OSBP2: variants seen among roughly 807,000 people sequenced by gnomAD.
OSBP2 encodes the protein oxysterol-binding protein 2.
A neutral mutation model predicts 96.0 loss-of-function variants in OSBP2; 66 were observed. The ratio of observed to expected loss-of-function variants is 0.69; its 90% CI spans 0.56 to 0.84. OSBP2 has a LOEUF of 0.84. OSBP2 is among the 40% of genes least tolerant of loss of function. OSBP2 has a pLI of 0.00. For synonymous variants in OSBP2, 525 were observed against 520.9 expected, an observed-to-expected ratio of 1.01 and a Z score of -0.11; for missense variants, 1,038 against 1,222.7, an observed-to-expected ratio of 0.85 and a Z score of 2.25.
chr22:30,906,441 C>G lies in OSBP2; in HGVS notation c.*102C>G. On this transcript the variant is annotated 3_prime_UTR_variant, in exon 14 of 14. Coordinates refer to ENST00000332585, the MANE Select transcript of OSBP2 (RefSeq NM_030758.4). ...AATGGTCTTTCTCCCAGCCCATTCCCAGCCCTTCCTATTTCCTTTCCTATT... is the reference window on the plus strand; with the variant it reads ...AATGGTCTTTCTCCCAGCCCATTCCGAGCCCTTCCTATTTCCTTTCCTATT... 5 of 1,332,324 alleles carry G rather than the reference C, an allele frequency of 3.8e-6. No homozygotes were observed. In the South Asian group the frequency reaches 8.5e-5, roughly 23 times the overall value. 82.5% of individuals were successfully genotyped at this position (1,332,324 alleles called of 1,614,324 possible).
chr22:30,727,818 C>T (rs957745210), intron 1 of OSBP2, among the ~76,000 whole-genome samples: 3 of 152,012 alleles, frequency 2.0e-5, no homozygotes, highest in African/African-American at 7.2e-5. Context: ...AAAACATGAC[C>T]ACCCTGGGCC....
chr22:30,903,739 C>T (rs1333274738), intron 12 of OSBP2, among the ~76,000 whole-genome samples: 9 of 152,234 alleles, frequency 5.9e-5, no homozygotes, highest in Admixed American at 1.3e-4. Context: ...AGCGCTGACA[C>T]GGTGTTTCCC....
chr22:30,839,147 T>C (rs2147026679), intron 2 of OSBP2, among the ~76,000 whole-genome samples: 1 of 145,808 alleles, frequency 6.9e-6, no homozygotes, highest in East Asian at 2.0e-4. Context: ...TGATTTCCAA[T>C]TTCATCCATG....
At chr22:30,803,914 C>CT (rs1268914580) in intron 2 of OSBP2, among the ~76,000 whole-genome samples, 2 of 152,198 alleles carry the variant, frequency 1.3e-5, no homozygotes, top group East Asian at 3.9e-4. Context: ...GCCTGTGCCT[C>CT]TGAGTAAGCA....
rs1214703921 is a variant in OSBP2, at chr22:30,890,739, T to C, written c.1635T>C (p.Asn545=). The change falls in exon 8 of 14, where the codon AAT becomes AAC. Residue 545 remains asparagine (N), a synonymous_variant. Transcript: ENST00000332585. The surrounding 1 kb of genome is among the most constrained non-coding windows in gnomAD (Gnocchi z 4.4). ...CTGTCCACCCACAGGTGAACTTCAATGAGCCCCTGTCCATGCTCCAGCGGC... is the reference window on the plus strand; with the variant it reads ...CTGTCCACCCACAGGTGAACTTCAACGAGCCCCTGTCCATGCTCCAGCGGC... ...LSRIPMPVNF[N]EPLSMLQRLT... 6.2e-7 allele frequency: 1 copy of C among 1,612,582 alleles called. No individual in the cohort carries two copies. Among genetic ancestry groups the C allele is most frequent in the Non-Finnish European group, 8.5e-7 (1 of 1,179,964 alleles).
intron 2 of OSBP2, among the ~76,000 whole-genome samples, chr22:30,820,186 C>T (rs1411254807): frequency 6.6e-6 from 1 of 151,938 alleles, no homozygotes; most frequent in Non-Finnish European, 1.5e-5. Context: ...TCCAGCCCAG[C>T]CTAGGCAACA....
chr22:30,847,114 A>T (rs551470913), intron 2 of OSBP2, among the ~76,000 whole-genome samples: 52 of 152,128 alleles, frequency 3.4e-4, no homozygotes, highest in African/African-American at 1.2e-3. Flanking sequence ...AGTAGCTGAG[A>T]TTACAGGCAC....
chr22:30,752,488 C>G (rs2090090136), intron 2 of OSBP2, among the ~76,000 whole-genome samples: 1 of 151,598 alleles, frequency 6.6e-6, no homozygotes. Flanking sequence ...TTAGTAGAGA[C>G]AAGGTGTTAC....
At chr22:30,785,407 A>G (rs1028976651) in intron 2 of OSBP2, among the ~76,000 whole-genome samples, 1 of 147,102 alleles carries the variant, frequency 6.8e-6, no homozygotes, top group Admixed American at 6.8e-5. Context: ...CATCTCTACT[A>G]AAAAAAAAAA....
At chr22:30,695,698 C>T in intron 1 of OSBP2, 145 bp downstream of exon 1, 1 of 1,434,444 alleles carries the variant, frequency 7.0e-7, no homozygotes, top group Non-Finnish European at 9.3e-7. Flanking sequence ...AGTCACGCTT[C>T]TGGCCCGCCG....
At chr22:30,889,693 G>A (rs5749186) in intron 7 of OSBP2, 57 bp downstream of exon 7, 829,818 of 1,565,906 alleles carry the variant, frequency 0.53, 221,953 homozygotes, top group East Asian at 0.72. Context: ...TTTCCTGTGC[G>A]TGGATGAGCA....
chr22:30,704,705 A>G (rs990955392), intron 1 of OSBP2, among the ~76,000 whole-genome samples: 1 of 152,030 alleles, frequency 6.6e-6, no homozygotes, highest in Non-Finnish European at 1.5e-5. Flanking sequence ...ACCTCAGGTG[A>G]TCTCAGCCTC....
In OSBP2 at chr22:30,893,535, A is replaced by G. The variant is rs769461981; in HGVS notation, c.2063A>G (p.Asn688Ser). 1 of 1,614,156 alleles carries G rather than the reference A, an allele frequency of 6.2e-7. No homozygotes were observed. Reference protein sequence around the residue: ...VWRKSTSTVHNIIVGKLWIDQ... With the variant: ...VWRKSTSTVHSIIVGKLWIDQ... ...AGGAAGAGCACCTCAACTGTTCACA[A>G]CATCATCGTGGGCAAGCTCTGGATC... is the stretch of plus-strand genomic sequence containing the variant. Residue 688 changes from asparagine (N) to serine (S), a missense_variant, in exon 10 of 14, where the codon AAC (asparagine) becomes AGC (serine). Asn to Ser is a conservative substitution (Grantham distance 46, BLOSUM62 1). Around this residue, in one of 3 missense-constraint regions of OSBP2, gnomAD observed 737 missense variants for 913.3 expected, o/e 0.81. Coordinates refer to ENST00000332585, the MANE Select transcript of OSBP2 (RefSeq NM_030758.4).
chr22:30,748,677 A>T (rs556583182), intron 2 of OSBP2, among the ~76,000 whole-genome samples: 2 of 152,330 alleles, frequency 1.3e-5, no homozygotes, highest in East Asian at 3.9e-4. Flanking sequence ...CCCAGATCCC[A>T]AGAGTGGGTT....
At chr22:30,829,723 A>G (rs753973399) in intron 2 of OSBP2, among the ~76,000 whole-genome samples, 12 of 152,258 alleles carry the variant, frequency 7.9e-5, no homozygotes, top group Admixed American at 1.3e-4. Context: ...ATAAAAATAA[A>G]TCTATAGTGT....
intron 12 of OSBP2, chr22:30,902,110 G>GAAA (rs60499517): frequency 5.4e-5 from 11 of 205,036 alleles, no homozygotes; most frequent in South Asian, 1.9e-4. Flanking sequence ...AGCAATATAA[G>GAAA]AAAAAAAAAA....
At chr22:30,850,742 A>G (rs1186127197) in intron 2 of OSBP2, among the ~76,000 whole-genome samples, 1 of 151,988 alleles carries the variant, frequency 6.6e-6, no homozygotes, top group Non-Finnish European at 1.5e-5. Flanking sequence ...CAAGTGATCC[A>G]CCCGCCTGGG....
chr22:30,850,092 C>T (rs1241636697), intron 2 of OSBP2, among the ~76,000 whole-genome samples: 1 of 152,006 alleles, frequency 6.6e-6, no homozygotes, highest in Non-Finnish European at 1.5e-5. Context: ...CATTTGAATT[C>T]AGGAGTTTAA....
At chr22:30,778,593 C>G (rs983534583) in intron 2 of OSBP2, among the ~76,000 whole-genome samples, 3 of 152,046 alleles carry the variant, frequency 2.0e-5, no homozygotes, top group African/African-American at 7.2e-5. Context: ...AGGGAAAATT[C>G]TATTGGGTAG....
Sources: allele counts gnomAD v4.1 joint callset (sites outside exome capture counted in the v4.1 genomes callset), GRCh38; gene constraint gnomAD v4.1.1; regional missense constraint gnomAD v4.1.1; non-coding constraint Gnocchi (gnomAD v3.1); transcripts MANE v1.5; gene names NCBI Gene and HGNC (gene_info 2026-07-23, HGNC 2026-07-21).